Variants in ITGA8 observed in about 807,000 individuals in gnomAD.
ITGA8 encodes the protein integrin alpha-8.
A neutral mutation model predicts 142.3 loss-of-function variants in ITGA8; 91 were observed. The observed-to-expected ratio is 0.64, with a 90% CI of 0.54 to 0.76. ITGA8 has a LOEUF of 0.76. Among genes scored for constraint, ITGA8 ranks in the 30% least tolerant of loss-of-function variants. The pLI is 0.00. For missense variants in ITGA8, 1,406 were observed against 1,327.7 expected, an observed-to-expected ratio of 1.06 and a Z score of -0.92; for synonymous variants, 505 against 485.2, an observed-to-expected ratio of 1.04 and a Z score of -0.54.
At chr10:15,536,970 C>G (rs1833451882) in intron 27 of ITGA8, among the ~76,000 whole-genome samples, 1 of 152,090 alleles carries the variant, frequency 6.6e-6, no homozygotes, top group African/African-American at 2.4e-5. Context: ...TTGAAATATT[C>G]AATATTTACC....
intron 4 of ITGA8, among the ~76,000 whole-genome samples, chr10:15,680,449 A>T (rs557613700): frequency 8.9e-4 from 135 of 152,032 alleles, no homozygotes; most frequent in Non-Finnish European, 1.0e-3. Context: ...ATTTATGGTC[A>T]TGAATCCTAT....
chr10:15,709,162 C>T (rs1020040672), intron 2 of ITGA8, among the ~76,000 whole-genome samples: 49 of 152,198 alleles, frequency 3.2e-4, no homozygotes, highest in Admixed American at 3.9e-4. Context: ...GCAGATGCAG[C>T]CATTTACCAA....
intron 27 of ITGA8, among the ~76,000 whole-genome samples, chr10:15,535,151 T>C (rs967124029): frequency 1.3e-5 from 2 of 152,144 alleles, no homozygotes; most frequent in Admixed American, 1.3e-4. Context: ...GATTTCTCCC[T>C]GGGCCTTAGC....
In ITGA8 at chr10:15,555,724, C is replaced by G. The variant is rs147487743; in HGVS notation, c.2766+2350G>C. ...CCCTTTTTTTTTTTTGAGACGGAGT[C>G]TCGCTCTGTTGCCCAGGCTGGAGTG... On this transcript the variant is annotated intron_variant, in intron 26 of 29. Coordinates refer to ENST00000378076, the MANE Select transcript of ITGA8 (RefSeq NM_003638.3). Among the ~76,000 whole-genome samples the G allele has an allele frequency of 1.2e-3, 186 of 150,774 alleles. 1 individual carries two copies. The highest frequency in any genetic ancestry group is 4.3e-3 in the African/African-American group (177 of 41,002).
chr10:15,622,727 TA>T (rs910135877), intron 13 of ITGA8, among the ~76,000 whole-genome samples: 61 of 148,990 alleles, frequency 4.1e-4, no homozygotes, highest in African/African-American at 1.4e-3. Context: ...TGGCACTTGG[TA>T]AAAAAAAAAG....
intron 22 of ITGA8, among the ~76,000 whole-genome samples, chr10:15,591,575 T>C (rs1832923535): frequency 2.0e-5 from 3 of 152,114 alleles, no homozygotes; most frequent in African/African-American, 7.2e-5. Flanking sequence ...TACTACTTTC[T>C]TCAGGTCTTC....
At chr10:15,579,667 G>A (rs945175900) in intron 23 of ITGA8, among the ~76,000 whole-genome samples, 2 of 151,892 alleles carry the variant, frequency 1.3e-5, no homozygotes, top group African/African-American at 4.8e-5. Context: ...TTTAAAAATA[G>A]CAATTTTCTC....
rs1309056614 is a variant in ITGA8 at position 15,584,095 on chromosome 10, G to A, written c.2372+2489C>T. On this transcript the variant is annotated intron_variant, in intron 23 of 29. Transcript: ENST00000378076. ...GTGGATCACCTGAGGTACAGAGTTC[G>A]AGACCAGCCTGGCCAACATGGTGAA... Among the ~76,000 whole-genome samples, 8 of 152,114 alleles carry A rather than the reference G, an allele frequency of 5.3e-5. No individual in the cohort carries two copies. In the East Asian group the frequency reaches 9.7e-4, roughly 18 times the overall value.
chr10:15,719,115 G>T (rs1257402535), intron 1 of ITGA8, among the ~76,000 whole-genome samples: 1 of 152,206 alleles, frequency 6.6e-6, no homozygotes, highest in Non-Finnish European at 1.5e-5. Context: ...TCTCTAGGTG[G>T]AGCTCTGTGG....
intron 11 of ITGA8, among the ~76,000 whole-genome samples, chr10:15,651,319 G>A (rs1834081131): frequency 6.6e-6 from 1 of 152,162 alleles, no homozygotes; most frequent in African/African-American, 2.4e-5. Context: ...AGTACTGGAA[G>A]TCTTGAGATA....
Position 15,516,958 on chromosome 10 carries a change from T to G in ITGA8, c.*200A>C, listed in dbSNP as rs1488360697. 1.1e-5 allele frequency: 5 copies of G among 457,780 alleles called. No individual in the cohort carries two copies. The highest frequency in any genetic ancestry group is 1.9e-5 in the Non-Finnish European group (5 of 256,994). 28.4% of individuals were successfully genotyped at this position (457,780 alleles called of 1,614,324 possible). ...TGATGGCTTCTCCAGCTTTGGTGTT[T>G]CCTTTTCCAACAGGGCTCACTGGGC... On this transcript the variant is annotated 3_prime_UTR_variant, in exon 30 of 30. Coordinates refer to ENST00000378076, the MANE Select transcript of ITGA8 (RefSeq NM_003638.3).
intron 25 of ITGA8, among the ~76,000 whole-genome samples, chr10:15,563,371 TA>T (rs1367357485): frequency 6.6e-6 from 1 of 152,198 alleles, no homozygotes; most frequent in African/African-American, 2.4e-5. Flanking sequence ...TGGAAATCAC[TA>T]GCTAAAATTC....
intron 26 of ITGA8, among the ~76,000 whole-genome samples, chr10:15,551,631 T>C (rs192445461): frequency 1.4e-4 from 22 of 152,256 alleles, no homozygotes; most frequent in Middle Eastern, 3.4e-3. Context: ...AGATACAAAT[T>C]TTTCCTGTGC....
At chr10:15,660,014 A>G (rs1402251259) in intron 9 of ITGA8, among the ~76,000 whole-genome samples, 2 of 152,256 alleles carry the variant, frequency 1.3e-5, no homozygotes, top group African/African-American at 2.4e-5. Flanking sequence ...ATGTTATAGC[A>G]GTCATGGAAA....
chr10:15,625,048 T>G (rs1036801105), intron 13 of ITGA8, among the ~76,000 whole-genome samples: 1 of 151,968 alleles, frequency 6.6e-6, no homozygotes, highest in African/African-American at 2.4e-5. Flanking sequence ...AAAATATTAC[T>G]GAGAGGAAGG....
chr10:15,701,639 C>T (rs142902281), intron 2 of ITGA8, among the ~76,000 whole-genome samples: 2 of 152,264 alleles, frequency 1.3e-5, no homozygotes, highest in Non-Finnish European at 2.9e-5. Context: ...CGCCCTGGGA[C>T]AGAAGAGAAG....
At chr10:15,709,855 C>T (rs1484873780) in intron 2 of ITGA8, among the ~76,000 whole-genome samples, 1 of 152,138 alleles carries the variant, frequency 6.6e-6, no homozygotes, top group African/African-American at 2.4e-5. Context: ...TTTACACATA[C>T]TGTTACTGAA....
chr10:15,717,389 G>A (rs2487489), intron 2 of ITGA8, among the ~76,000 whole-genome samples: 139,898 of 152,222 alleles, frequency 0.92, 65,258 homozygotes, highest in East Asian at 1. Flanking sequence ...CATTAATTTT[G>A]TGTTTAAATG....
intron 2 of ITGA8, among the ~76,000 whole-genome samples, chr10:15,707,272 A>T (rs554504711): frequency 6.6e-6 from 1 of 152,192 alleles, no homozygotes; most frequent in South Asian, 2.1e-4. Flanking sequence ...ATTTGGACCT[A>T]ATGTAATGAT....
Sources: allele counts gnomAD v4.1 joint callset (sites outside exome capture counted in the v4.1 genomes callset), GRCh38; gene constraint gnomAD v4.1.1; transcripts MANE v1.5; gene names NCBI Gene and HGNC (gene_info 2026-07-23, HGNC 2026-07-21).